The following ZNRF3 variants were observed in gnomAD, a reference collection of about 807,000 sequenced individuals.
The protein encoded by ZNRF3 is E3 ubiquitin-protein ligase ZNRF3.
Under a neutral mutation model 72.5 loss-of-function variants are expected in ZNRF3, and 23 were observed. That is an observed-to-expected ratio of 0.32 (90% CI 0.23 to 0.45). ZNRF3 has a LOEUF of 0.45. Ranked by LOEUF, ZNRF3 falls within the 20% of genes least tolerant of loss-of-function variation. The pLI is 1.00. For missense variants in ZNRF3, 1,169 were observed against 1,272.1 expected (o/e 0.92, Z 1.23); for synonymous variants, 610 against 545.3 (o/e 1.12, Z -1.65).
At chr22:28,901,181 G>A (rs964785428) in intron 1 of ZNRF3, among the ~76,000 whole-genome samples, 2 of 152,022 alleles carry the variant, frequency 1.3e-5, no homozygotes, top group Admixed American at 1.3e-4. Flanking sequence ...AACTCAAAGA[G>A]CCTCTTTGTT....
Position 29,057,042 on chromosome 22 carries a change from G to C in ZNRF3, c.*3420G>C, listed in dbSNP as rs1205059067. ...CTTTCTATTGTGTTGGTCTAACAAG[G>C]CACTATTTTAAAATTTTTTAATTTT... On this transcript the variant is annotated 3_prime_UTR_variant, in exon 9 of 9. Transcript: ENST00000544604. 6.6e-6 allele frequency: 1 copy of C among 152,084 alleles called. No individual in the cohort carries two copies. Among genetic ancestry groups the C allele is most frequent in the Non-Finnish European group, 1.5e-5 (1 of 68,022 alleles). The allele number at this position is 152,084 out of a possible 1,614,324, so 9.4% of individuals were successfully genotyped here. A position where few individuals can be genotyped will look rare whatever the true frequency, so the allele number is the denominator to read the frequency against.
chr22:29,046,921 CAT>C (rs777283614), intron 6 of ZNRF3, 38 bp downstream of exon 6: 3 of 1,479,248 alleles, frequency 2.0e-6, no homozygotes, highest in African/African-American at 2.8e-5. Flanking sequence ...GTGGGGAAAA[CAT>C]AGGCAGGTCA....
intron 2 of ZNRF3, among the ~76,000 whole-genome samples, chr22:28,995,157 G>A (rs2036026016): frequency 6.6e-6 from 1 of 152,244 alleles, no homozygotes. Context: ...TCCAAGGCTG[G>A]GCGGGGTGGC....
rs927444066 is a variant in ZNRF3, at chr22:29,049,064, G to C, written c.1016-133G>C. 2 of 1,018,050 alleles carry C rather than the reference G, an allele frequency of 2.0e-6. No homozygotes were observed. The highest frequency in any genetic ancestry group is 3.2e-5 in the African/African-American group (2 of 62,228). The allele number at this position is 1,018,050 out of a possible 1,614,324, so 63.1% of individuals were successfully genotyped here. ...GCCGCTGCAGCTCAGTTTGGGGGCAGGGTTGTGAGAATGGGTACCTTGGCA... is the reference window on the plus strand; with the variant it reads ...GCCGCTGCAGCTCAGTTTGGGGGCACGGTTGTGAGAATGGGTACCTTGGCA... On this transcript the variant is annotated intron_variant, in intron 7 of 8. Coordinates refer to ENST00000544604, the MANE Select transcript of ZNRF3 (RefSeq NM_001206998.2). The surrounding 1 kb of genome is among the most constrained non-coding windows in gnomAD (Gnocchi z 5.2).
intron 6 of ZNRF3, 77 bp downstream of exon 6, chr22:29,046,960 C>T: frequency 1.5e-6 from 2 of 1,336,798 alleles, no homozygotes; most frequent in Admixed American, 2.7e-5. Flanking sequence ...CCTAGAAGGA[C>T]AGGGCCCTGT....
At chr22:28,968,380 T>C (rs2035512473) in intron 1 of ZNRF3, among the ~76,000 whole-genome samples, 1 of 152,222 alleles carries the variant, frequency 6.6e-6, no homozygotes, top group Non-Finnish European at 1.5e-5. Flanking sequence ...ATAATTCCTT[T>C]TTGCATCTCC....
rs748717341 is a variant in ZNRF3 at position 29,046,768 on chromosome 22, A to G, written c.797A>G (p.Lys266Arg). ...VQALEKMETR[K>R]FNSKSKGRRE... ...GCTCTAGAGAAGATGGAAACCAGAA[A>G]GTTCAACTCCAAGAGCAAGGGGCGC... Residue 266 changes from lysine (K) to arginine (R), a missense_variant, in exon 6 of 9, where the codon AAG becomes AGG. This residue lies in a region of ZNRF3 where 386 missense variants were observed against 540.7 expected (regional missense o/e 0.71). Coordinates refer to ENST00000544604, the MANE Select transcript of ZNRF3 (RefSeq NM_001206998.2). 6.2e-7 allele frequency: 1 copy of G among 1,612,164 alleles called. No individual in the cohort carries two copies. Among genetic ancestry groups the G allele is most frequent in the Non-Finnish European group, 8.5e-7 (1 of 1,179,086 alleles).
chr22:28,910,671 T>G (rs1372153394), intron 1 of ZNRF3, among the ~76,000 whole-genome samples: 1 of 152,230 alleles, frequency 6.6e-6, no homozygotes, highest in Non-Finnish European at 1.5e-5. Context: ...GGAGGGCTTA[T>G]GGACCAGTGG....
intron 1 of ZNRF3, among the ~76,000 whole-genome samples, chr22:28,971,375 C>T (rs772649043): frequency 6.6e-6 from 1 of 151,946 alleles, no homozygotes; most frequent in Non-Finnish European, 1.5e-5. Context: ...AAACAGATGA[C>T]TTGATGAAGA....
At chr22:28,937,215 ATTTT>A (rs370829828) in intron 1 of ZNRF3, among the ~76,000 whole-genome samples, 46 of 8,802 alleles carry the variant, frequency 5.2e-3, no homozygotes, top group East Asian at 0.018. Context: ...ATATATATAT[ATTTT>A]TTTTTTTTTT....
intron 1 of ZNRF3, among the ~76,000 whole-genome samples, chr22:28,906,951 T>G (rs1468122565): frequency 6.6e-6 from 1 of 152,072 alleles, no homozygotes; most frequent in African/African-American, 2.4e-5. Flanking sequence ...GAAGAAAGAT[T>G]TTCACGGAGT....
In ZNRF3 at chr22:29,048,379, C is replaced by T; in HGVS notation, c.913-10C>T. 6.2e-7 allele frequency: 1 copy of T among 1,612,342 alleles called. No individual in the cohort carries two copies. The highest frequency in any genetic ancestry group is 1.3e-5 in the African/African-American group (1 of 75,030). On this transcript the variant is annotated splice_polypyrimidine_tract_variant and intron_variant, in intron 6 of 8. Transcript: ENST00000544604. The surrounding 1 kb of genome is among the most constrained non-coding windows in gnomAD (Gnocchi z 4.9). ...GAAGGCAGACTTGTGTCCCCTCTCT[C>T]CCTGCCCAGGAGCTGCGGGTCATCC...
chr22:28,974,383 C>G (rs1180818383), intron 1 of ZNRF3, among the ~76,000 whole-genome samples: 1 of 152,176 alleles, frequency 6.6e-6, no homozygotes, highest in African/African-American at 2.4e-5. Flanking sequence ...TTTTGGTCAC[C>G]TGTCCTGTCA....
chr22:28,894,077 C>A (rs933882680), intron 1 of ZNRF3, among the ~76,000 whole-genome samples: 3 of 152,012 alleles, frequency 2.0e-5, no homozygotes, highest in Admixed American at 6.6e-5. Context: ...CCGCCTCAGC[C>A]TCCCAAGTAA....
chr22:28,945,171 G>C (rs1466572751), intron 1 of ZNRF3, among the ~76,000 whole-genome samples: 1 of 149,436 alleles, frequency 6.7e-6, no homozygotes, highest in East Asian at 2.0e-4. Context: ...AAAAGTCAAA[G>C]ATGTGTATCT....
intron 1 of ZNRF3, among the ~76,000 whole-genome samples, chr22:28,975,946 A>C (rs562165182): frequency 6.6e-5 from 10 of 152,320 alleles, no homozygotes; most frequent in African/African-American, 2.4e-4. Context: ...TGTTGTATTC[A>C]TCACCAATAA....
chr22:28,907,111 T>TA (rs1255933313), intron 1 of ZNRF3, among the ~76,000 whole-genome samples: 2 of 151,148 alleles, frequency 1.3e-5, no homozygotes, highest in African/African-American at 4.9e-5. Context: ...GCCTCCCGAG[T>TA]AGCTGGGACT....
intron 1 of ZNRF3, among the ~76,000 whole-genome samples, chr22:28,984,011 G>A (rs1292590604): frequency 6.6e-6 from 1 of 152,022 alleles, no homozygotes; most frequent in African/African-American, 2.4e-5. Flanking sequence ...TTAGGCTCTG[G>A]AAGGGTAGAA....
At chr22:28,955,054 T>G (rs1184290136) in intron 1 of ZNRF3, among the ~76,000 whole-genome samples, 21 of 150,706 alleles carry the variant, frequency 1.4e-4, no homozygotes, top group Non-Finnish European at 2.7e-4. Flanking sequence ...TTGTTTTTTT[T>G]TTTTGAGACA....
Sources: allele counts gnomAD v4.1 joint callset (sites outside exome capture counted in the v4.1 genomes callset), GRCh38; gene constraint gnomAD v4.1.1; regional missense constraint gnomAD v4.1.1; non-coding constraint Gnocchi (gnomAD v3.1); transcripts MANE v1.5; gene names NCBI Gene and HGNC (gene_info 2026-07-23, HGNC 2026-07-21).